The following DMD variants were observed in gnomAD, a reference collection of about 807,000 sequenced individuals.
The protein encoded by DMD is mutant dystrophin.
A neutral mutation model predicts 330.1 loss-of-function variants in DMD; 63 were observed. That is an observed-to-expected ratio of 0.19 (90% CI 0.16 to 0.24). The LOEUF is 0.24. Ranked by LOEUF, DMD falls within the 10% of genes least tolerant of loss-of-function variation. The pLI, the probability that DMD is intolerant of heterozygous loss-of-function variation, is 1.00. For synonymous variants in DMD, 1,223 were observed against 959.8 expected, an observed-to-expected ratio of 1.27 and a Z score of -5.07; for missense variants, 3,344 against 2,684.1, an observed-to-expected ratio of 1.25 and a Z score of -5.43.
At chrX:32,352,939 G>A (rs1183938818) in intron 37 of DMD, among the ~76,000 whole-genome samples, 2 of 110,802 alleles carry the variant, frequency 1.8e-5, no homozygotes, top group Admixed American at 1.9e-4. Flanking sequence ...CATCCTTAAA[G>A]TTGGCAATAT....
At chrX:32,681,565 C>A (rs1487691491) in intron 9 of DMD, among the ~76,000 whole-genome samples, 3 of 111,684 alleles carry the variant, frequency 2.7e-5, no homozygotes, top group Admixed American at 9.5e-5. Flanking sequence ...AAACCCTGAA[C>A]AATATATTAG....
intron 9 of DMD, among the ~76,000 whole-genome samples, chrX:32,689,027 T>C (rs1164936315): frequency 1.8e-5 from 2 of 111,246 alleles, no homozygotes; most frequent in Non-Finnish European, 3.8e-5. Context: ...TGTAAGATTT[T>C]TTTGAAGATC....
intron 57 of DMD, 119 bp downstream of exon 57, chrX:31,496,669 G>T (rs1796429190): frequency 5.9e-6 from 5 of 847,945 alleles, no homozygotes; most frequent in Non-Finnish European, 8.5e-6. Flanking sequence ...TGACCCTTGG[G>T]TGAGAAGAGT....
chrX:31,578,850 C>T (rs1921961), intron 55 of DMD, among the ~76,000 whole-genome samples: 35,975 of 111,232 alleles, frequency 0.32, 4,377 homozygotes, highest in African/African-American at 0.41. Context: ...TTAACAACAA[C>T]CACGTATCTT....
At position 32,545,142 on chromosome X, in the gene DMD, G is replaced by A; in HGVS notation, c.2168+17C>T. On this transcript the variant is annotated intron_variant, in intron 17 of 78. Transcript: ENST00000357033. ...TTCTCCACTTCATTTGCAGATAAAAGCTTAAGATGCTCTCACCTTTTCCTA... is the reference window on the plus strand; with the variant it reads ...TTCTCCACTTCATTTGCAGATAAAAACTTAAGATGCTCTCACCTTTTCCTA... The A allele has an allele frequency of 1.7e-6, 2 of 1,203,998 alleles. No individual in the cohort carries two copies. The highest frequency in any genetic ancestry group is 3.5e-5 in the African/African-American group (2 of 57,573).
At chrX:32,167,490 T>C (rs1260281758) in intron 44 of DMD, among the ~76,000 whole-genome samples, 1 of 111,964 alleles carries the variant, frequency 8.9e-6, no homozygotes, top group East Asian at 2.8e-4. Flanking sequence ...ACCAGGATTG[T>C]TTTAGGATTA....
At chrX:31,394,938 T>G (rs199636996) in intron 60 of DMD, among the ~76,000 whole-genome samples, 1 of 86,853 alleles carries the variant, frequency 1.2e-5, no homozygotes, top group African/African-American at 4.7e-5. Flanking sequence ...GAGAGAAGGG[T>G]GAGAGAGAGA....
intron 30 of DMD, among the ~76,000 whole-genome samples, chrX:32,397,348 T>A (rs140481346): frequency 8.9e-6 from 1 of 111,744 alleles, no homozygotes; most frequent in Admixed American, 9.6e-5. Flanking sequence ...TAAACTCTAA[T>A]GGAAACAAAG....
chrX:32,709,494 A>G (rs375048370), intron 7 of DMD, among the ~76,000 whole-genome samples: 1 of 111,899 alleles, frequency 8.9e-6, no homozygotes, highest in East Asian at 2.8e-4. Flanking sequence ...CCATGCCTGT[A>G]AAGTACAGCA....
intron 41 of DMD, among the ~76,000 whole-genome samples, chrX:32,326,733 T>C (rs1483695253): frequency 1.8e-5 from 2 of 110,241 alleles, no homozygotes; most frequent in African/African-American, 6.6e-5. Flanking sequence ...GGTGAAACCC[T>C]GTCTGTACTA....
intron 44 of DMD, among the ~76,000 whole-genome samples, chrX:31,979,486 TG>T (rs2095461193): frequency 8.9e-6 from 1 of 112,547 alleles, no homozygotes; most frequent in African/African-American, 3.2e-5. Flanking sequence ...AATGAGTGAC[TG>T]AGTTTCTTTT....
chrX:32,903,161 A>AAAAAG (rs1569541055), intron 2 of DMD, among the ~76,000 whole-genome samples: 1 of 101,251 alleles, frequency 9.9e-6, no homozygotes, highest in African/African-American at 3.6e-5. Context: ...AAAAAAAAAA[A>AAAAAG]AAAAGAAACT....
chrX:31,511,090 G>T (rs975482797), intron 55 of DMD, among the ~76,000 whole-genome samples: 96 of 110,889 alleles, frequency 8.7e-4, no homozygotes, highest in African/African-American at 3.0e-3. Context: ...CAGATAGGTT[G>T]CCCTAAAAGG....
chrX:31,224,557 C>T (rs1232254255), intron 63 of DMD, among the ~76,000 whole-genome samples: 1 of 111,806 alleles, frequency 8.9e-6, no homozygotes, highest in East Asian at 2.8e-4. Flanking sequence ...TGGGAATGTA[C>T]GACAACTTTG....
At position 32,983,528 on chromosome X, in the gene DMD, TACACAC is replaced by T. The variant is rs561986393; in HGVS notation, c.93+36605_93+36610del. ...TGTGATGAAACTGTACAGAACTAAATACACACACACACACACACACACACACACACA... is the reference window on the plus strand; with the variant it reads ...TGTGATGAAACTGTACAGAACTAAATACACACACACACACACACACACACA... On this transcript the variant is annotated intron_variant, in intron 2 of 78. Coordinates refer to ENST00000357033, the MANE Select transcript of DMD (RefSeq NM_004006.3). Among the ~76,000 whole-genome samples the T allele has an allele frequency of 7.0e-3, 515 of 73,545 alleles. 2 individuals carry two copies. The highest frequency in any genetic ancestry group is 0.01 in the Non-Finnish European group (398 of 39,104). 63.9% of individuals were successfully genotyped at this position (73,545 alleles called of 115,157 possible).
At chrX:32,495,380 A>G (rs1223831332) in intron 19 of DMD, among the ~76,000 whole-genome samples, 1 of 111,750 alleles carries the variant, frequency 8.9e-6, no homozygotes, top group Non-Finnish European at 1.9e-5. Flanking sequence ...AAATTATGAG[A>G]CCAATGTACA....
chrX:32,782,495 T>C (rs2074873531), intron 7 of DMD, among the ~76,000 whole-genome samples: 1 of 111,177 alleles, frequency 9.0e-6, no homozygotes, highest in Admixed American at 9.6e-5. Context: ...TAGATGATTG[T>C]GTGTAAAAGA....
At chrX:32,182,678 C>A (rs1164455973) in intron 44 of DMD, among the ~76,000 whole-genome samples, 1 of 111,789 alleles carries the variant, frequency 8.9e-6, no homozygotes, top group Non-Finnish European at 1.9e-5. Flanking sequence ...CATTTTATAT[C>A]TTCCAATAAA....
At chrX:32,715,984 G>T (rs187985889) in intron 7 of DMD, among the ~76,000 whole-genome samples, 4,223 of 111,056 alleles carry the variant, frequency 0.038, 110 homozygotes, top group African/African-American at 0.095. Flanking sequence ...TCCTAATTTT[G>T]AGATCATTTT....
Sources: allele counts gnomAD v4.1 joint callset (sites outside exome capture counted in the v4.1 genomes callset), GRCh38; gene constraint gnomAD v4.1.1; transcripts MANE v1.5; gene names NCBI Gene and HGNC (gene_info 2026-07-23, HGNC 2026-07-21).